LHFPL3: variants seen among roughly 807,000 people sequenced by gnomAD.
LHFPL3 encodes LHFPL tetraspan subfamily member 3 protein.
Under a neutral mutation model 19.3 loss-of-function variants are expected in LHFPL3, and 5 were observed. The observed-to-expected ratio is 0.26, with a 90% CI of 0.14 to 0.54. The LOEUF is 0.54. Among genes scored for constraint, LHFPL3 ranks in the 20% least tolerant of loss-of-function variants. The probability of loss-of-function intolerance (pLI) is 0.94; values close to 1 mark genes in which losing one functional copy is unlikely to be tolerated. For missense variants in LHFPL3, 249 were observed against 307.4 expected, an observed-to-expected ratio of 0.81 and a Z score of 1.42; for synonymous variants, 133 against 126.2, an observed-to-expected ratio of 1.05 and a Z score of -0.36.
At chr7:104,374,695 A>G (rs1396317384) in intron 1 of LHFPL3, among the ~76,000 whole-genome samples, 1 of 152,136 alleles carries the variant, frequency 6.6e-6, no homozygotes. Flanking sequence ...ATCTAATGGG[A>G]TAGTTTTGGT....
At chr7:104,868,859 T>G (rs1791780118) in intron 2 of LHFPL3, among the ~76,000 whole-genome samples, 2 of 152,186 alleles carry the variant, frequency 1.3e-5, no homozygotes. Flanking sequence ...AACAGCATGG[T>G]ACTGGTACCA....
At chr7:104,613,279 A>G (rs80127861) in intron 1 of LHFPL3, among the ~76,000 whole-genome samples, 111 of 152,294 alleles carry the variant, frequency 7.3e-4, no homozygotes, top group African/African-American at 1.9e-3. Context: ...CTAAAGCTCA[A>G]TGCCCAGGTG....
chr7:104,446,317 G>C (rs2116591604), intron 1 of LHFPL3, among the ~76,000 whole-genome samples: 1 of 152,290 alleles, frequency 6.6e-6, no homozygotes, highest in East Asian at 1.9e-4. Context: ...GTGGCCACTG[G>C]AAGACCTTGC....
intron 2 of LHFPL3, among the ~76,000 whole-genome samples, chr7:104,811,460 CAA>C (rs888248925): frequency 6.6e-6 from 1 of 152,128 alleles, no homozygotes; most frequent in African/African-American, 2.4e-5. Context: ...CTCTGCCTCC[CAA>C]AGTGTTGGGA....
At chr7:104,337,015 A>G (rs1383317566) in intron 1 of LHFPL3, among the ~76,000 whole-genome samples, 1 of 152,120 alleles carries the variant, frequency 6.6e-6, no homozygotes, top group Non-Finnish European at 1.5e-5. Context: ...AATGCATCAC[A>G]GGCCCTTTTT....
At chr7:104,593,183 T>C (rs1343911418) in intron 1 of LHFPL3, among the ~76,000 whole-genome samples, 1 of 152,206 alleles carries the variant, frequency 6.6e-6, no homozygotes, top group Non-Finnish European at 1.5e-5. Context: ...TTTAGTGCTA[T>C]AAATTTCCCT....
intron 1 of LHFPL3, among the ~76,000 whole-genome samples, chr7:104,496,923 C>G (rs936181164): frequency 6.6e-6 from 1 of 152,118 alleles, no homozygotes; most frequent in East Asian, 1.9e-4. Flanking sequence ...TCTCCAGTAC[C>G]CCAAAGTATT....
intron 1 of LHFPL3, among the ~76,000 whole-genome samples, chr7:104,522,188 C>T (rs1794079701): frequency 6.6e-6 from 1 of 152,150 alleles, no homozygotes; most frequent in East Asian, 1.9e-4. Context: ...ACATATACAC[C>T]ATGGAATACT....
At chr7:104,444,919 T>C (rs10248577) in intron 1 of LHFPL3, among the ~76,000 whole-genome samples, 37,695 of 151,324 alleles carry the variant, frequency 0.25, 5,653 homozygotes, top group African/African-American at 0.43. Flanking sequence ...ACCTGGGAGG[T>C]GGAGGTTGCG....
intron 1 of LHFPL3, among the ~76,000 whole-genome samples, chr7:104,717,050 G>A (rs965925689): frequency 1.3e-5 from 2 of 152,058 alleles, no homozygotes; most frequent in South Asian, 2.1e-4. Flanking sequence ...TTCTACAGGT[G>A]TACCAAAAAT....
chr7:104,344,344 T>G (rs1790022529), intron 1 of LHFPL3, among the ~76,000 whole-genome samples: 1 of 152,144 alleles, frequency 6.6e-6, no homozygotes, highest in African/African-American at 2.4e-5. Context: ...AAGCTGAGAT[T>G]TTAGTGCACC....
chr7:104,864,889 T>C (rs968107043), intron 2 of LHFPL3, among the ~76,000 whole-genome samples: 7 of 152,296 alleles, frequency 4.6e-5, no homozygotes, highest in East Asian at 3.9e-4. Context: ...TCCAGAGGAA[T>C]GATCAGGCAG....
intron 1 of LHFPL3, among the ~76,000 whole-genome samples, chr7:104,520,888 C>CA (rs1221353596): frequency 2.7e-5 from 4 of 150,136 alleles, no homozygotes; most frequent in African/African-American, 9.8e-5. Context: ...TTGATCCTTT[C>CA]AAAAAACTAG....
intron 1 of LHFPL3, among the ~76,000 whole-genome samples, chr7:104,454,197 T>C (rs1792497880): frequency 6.6e-6 from 1 of 152,150 alleles, no homozygotes; most frequent in South Asian, 2.1e-4. Flanking sequence ...ACTGAAGGAC[T>C]TCTTAGGCAG....
chr7:104,811,864 G>A (rs1266783763), intron 2 of LHFPL3, among the ~76,000 whole-genome samples: 2 of 152,170 alleles, frequency 1.3e-5, no homozygotes, highest in Non-Finnish European at 1.5e-5. Flanking sequence ...GTCATTATGA[G>A]AGAAAGCTGT....
chr7:104,672,544 C>A (rs1792505534), intron 1 of LHFPL3, among the ~76,000 whole-genome samples: 1 of 152,152 alleles, frequency 6.6e-6, no homozygotes, highest in Non-Finnish European at 1.5e-5. Context: ...CAAAGCCAGC[C>A]CTGACTCCTT....
In LHFPL3 at chr7:104,761,502, G is replaced by A. The variant is rs372940535; in HGVS notation, c.682+24591G>A. On this transcript the variant is annotated intron_variant, in intron 2 of 2. Coordinates refer to ENST00000424859, the MANE Select transcript of LHFPL3 (RefSeq NM_199000.3). ...CCATTTCTCAAAGCTTCCCCCTGTC[G>A]TTTGCCCTCAGTCACCATGTTCTGC... 1.4e-3 allele frequency among the ~76,000 whole-genome samples: 212 copies of A among 152,192 alleles called. 1 individual carries two copies. Among genetic ancestry groups the A allele is most frequent in the Middle Eastern group, 6.8e-3 (2 of 294 alleles).
At chr7:104,859,863 A>G (rs934631944) in intron 2 of LHFPL3, among the ~76,000 whole-genome samples, 1 of 152,162 alleles carries the variant, frequency 6.6e-6, no homozygotes, top group Non-Finnish European at 1.5e-5. Flanking sequence ...TGATGTGTCA[A>G]TGTAGGTTTA....
chr7:104,539,438 CCT>C (rs1406176282), intron 1 of LHFPL3, among the ~76,000 whole-genome samples: 4 of 152,114 alleles, frequency 2.6e-5, no homozygotes, highest in Non-Finnish European at 5.9e-5. Flanking sequence ...AGAAGGATTA[CCT>C]CTGTTTAGGG....
Sources: gnomAD v4.1 joint callset for allele counts (sites outside exome capture counted in the v4.1 genomes callset) on GRCh38, gnomAD v4.1.1 for gene constraint, MANE v1.5 for transcripts, NCBI Gene and HGNC (gene_info 2026-07-23, HGNC 2026-07-21) for gene names.